Variants in ERBB4 observed in about 807,000 individuals in gnomAD.
ERBB4 encodes erb-b2 receptor tyrosine kinase 4.
ERBB4 carries 42 observed loss-of-function variants against 158.0 expected under a neutral mutation model. The ratio of observed to expected loss-of-function variants is 0.27; its 90% CI spans 0.21 to 0.34. The LOEUF is 0.34. ERBB4 is among the 10% of genes least tolerant of loss of function. The pLI is 1.00. For missense variants in ERBB4, 1,333 were observed against 1,624.1 expected (o/e 0.82, Z 3.08); for synonymous variants, 583 against 558.7 (o/e 1.04, Z -0.61).
Position 211,956,839 on chromosome 2 carries a change from ATTTG to A in ERBB4, c.235-9227_235-9224del, listed in dbSNP as rs1267068324. 1.1e-4 allele frequency among the ~76,000 whole-genome samples: 17 copies of A among 151,992 alleles called. No individual in the cohort carries two copies. In the South Asian group the frequency reaches 2.9e-3, roughly 26 times the overall value. ...CTAAAATAAATTTATTCATGTATAT[ATTTG>A]TTTGTTTATGAGACAGATTCTTGCT... On this transcript the variant is annotated intron_variant, in intron 2 of 27. Transcript: ENST00000342788.
chr2:211,438,981 T>C (rs1020784160), intron 20 of ERBB4, among the ~76,000 whole-genome samples: 1 of 127,230 alleles, frequency 7.9e-6, no homozygotes, highest in Non-Finnish European at 1.6e-5. Flanking sequence ...GTCCCAATAA[T>C]ATATTTGAGT....
Position 211,713,668 on chromosome 2 carries a change from A to T in ERBB4, c.884-20T>A. On this transcript the variant is annotated intron_variant, in intron 7 of 27. Coordinates refer to ENST00000342788, the MANE Select transcript of ERBB4 (RefSeq NM_005235.3). ...AGTTATCTGATTAAAAAAAAAAAAA[A>T]GGTAAAATAAGCATTAATGTTAACA... 8.2e-7 allele frequency: 1 copy of T among 1,218,684 alleles called. No individual in the cohort carries two copies. The highest frequency in any genetic ancestry group is 1.2e-6 in the Non-Finnish European group (1 of 830,880). 75.5% of individuals were successfully genotyped at this position (1,218,684 alleles called of 1,614,324 possible).
At chr2:212,535,313 G>C (rs902416453) in intron 1 of ERBB4, among the ~76,000 whole-genome samples, 1 of 152,120 alleles carries the variant, frequency 6.6e-6, no homozygotes, top group Admixed American at 6.5e-5. Flanking sequence ...GTAAACACTT[G>C]TAAGAAAGAG....
In ERBB4 at chr2:211,593,738, C is replaced by G. The variant is rs770251066; in HGVS notation, c.2301+25439G>C. Reference sequence around the variant, plus strand: ...GGTTTATTTATTGATACACTATGTGCAAAACAACCACCACCCTGATACCCT... The same window carrying G: ...GGTTTATTTATTGATACACTATGTGGAAAACAACCACCACCCTGATACCCT... On this transcript the variant is annotated intron_variant, in intron 19 of 27. Transcript: ENST00000342788. 3.5e-4 allele frequency among the ~76,000 whole-genome samples: 54 copies of G among 152,256 alleles called. 1 individual carries two copies. The highest frequency in any genetic ancestry group is 4.6e-4 in the Non-Finnish European group (31 of 68,016).
intron 2 of ERBB4, among the ~76,000 whole-genome samples, chr2:212,075,163 C>G (rs1275362996): frequency 6.6e-6 from 1 of 151,778 alleles, no homozygotes; most frequent in Middle Eastern, 3.2e-3. Flanking sequence ...AAGTGTTATA[C>G]TCTAGAAAAT....
chr2:211,571,183 C>T (rs1039658577), intron 19 of ERBB4, among the ~76,000 whole-genome samples: 2 of 151,882 alleles, frequency 1.3e-5, no homozygotes, highest in East Asian at 2.0e-4. Context: ...GCTGGGACTA[C>T]ACCTCTTGTC....
At chr2:211,883,965 A>C (rs2078729975) in intron 3 of ERBB4, among the ~76,000 whole-genome samples, 1 of 152,162 alleles carries the variant, frequency 6.6e-6, no homozygotes, top group Non-Finnish European at 1.5e-5. Flanking sequence ...CCACTAATTC[A>C]AATTTTATAT....
intron 2 of ERBB4, among the ~76,000 whole-genome samples, chr2:212,088,931 A>T (rs1268069417): frequency 6.6e-6 from 1 of 152,140 alleles, no homozygotes; most frequent in East Asian, 1.9e-4. Context: ...CTGCTCAGAG[A>T]AAGCTCAAAT....
chr2:211,394,717 T>A (rs1225914055), intron 25 of ERBB4, among the ~76,000 whole-genome samples: 1 of 152,074 alleles, frequency 6.6e-6, no homozygotes, highest in African/African-American at 2.4e-5. Flanking sequence ...CGTGAAGTTG[T>A]CTCTGCTTGT....
At chr2:212,455,275 G>C (rs980472717) in intron 1 of ERBB4, among the ~76,000 whole-genome samples, 3 of 152,074 alleles carry the variant, frequency 2.0e-5, no homozygotes, top group African/African-American at 4.8e-5. Context: ...AGGATGTAAG[G>C]CTTCAATCAT....
chr2:211,906,725 C>A (rs2079403024), intron 3 of ERBB4, among the ~76,000 whole-genome samples: 3 of 151,474 alleles, frequency 2.0e-5, no homozygotes, highest in Non-Finnish European at 2.9e-5. Context: ...CTCAAGTAGG[C>A]CACAGTGTCT....
At chr2:212,170,617 G>A (rs2081486084) in intron 1 of ERBB4, among the ~76,000 whole-genome samples, 1 of 152,186 alleles carries the variant, frequency 6.6e-6, no homozygotes, top group Non-Finnish European at 1.5e-5. Context: ...AGGCCTTGCA[G>A]TTTTGGGACT....
chr2:211,576,642 G>T (rs966929405), intron 19 of ERBB4, among the ~76,000 whole-genome samples: 2 of 151,818 alleles, frequency 1.3e-5, no homozygotes, highest in African/African-American at 4.8e-5. Flanking sequence ...ATTCACAAGG[G>T]TACAATTATT....
At chr2:211,411,689 C>T (rs1295678083) in intron 25 of ERBB4, among the ~76,000 whole-genome samples, 1 of 152,086 alleles carries the variant, frequency 6.6e-6, no homozygotes, top group African/African-American at 2.4e-5. Flanking sequence ...CTGGAATGAC[C>T]AAGGCATTTC....
chr2:211,755,938 T>A (rs890411372), intron 4 of ERBB4, among the ~76,000 whole-genome samples: 3 of 152,230 alleles, frequency 2.0e-5, no homozygotes, highest in African/African-American at 4.8e-5. Flanking sequence ...ATCCCTGGAT[T>A]TTTCTTTTAC....
rs199536102 is a variant in ERBB4, at chr2:211,997,135, A to AC, written c.235-49520dup. Among the ~76,000 whole-genome samples, 7 of 127,612 alleles carry AC rather than the reference A, an allele frequency of 5.5e-5. No individual in the cohort carries two copies. The South Asian group carries it at 1.6e-3, about 30-fold the overall frequency. 83.7% of individuals were successfully genotyped at this position (127,612 alleles called of 152,430 possible). ...AATGTATCTAGTGTCTTGCATTTAA[A>AC]CCCCGTTTGCCGGATTAACTGCAAA... On this transcript the variant is annotated intron_variant, in intron 2 of 27. Transcript: ENST00000342788.
chr2:211,976,021 C>G (rs1452985549), intron 2 of ERBB4, among the ~76,000 whole-genome samples: 2 of 151,940 alleles, frequency 1.3e-5, no homozygotes, highest in African/African-American at 4.8e-5. Flanking sequence ...TAATGCAAAC[C>G]ATTATAGTTC....
At chr2:211,385,867 G>A (rs1029092469) in intron 27 of ERBB4, among the ~76,000 whole-genome samples, 1 of 152,072 alleles carries the variant, frequency 6.6e-6, no homozygotes, top group African/African-American at 2.4e-5. Context: ...TCTTCACAAC[G>A]TCTACATTTG....
intron 3 of ERBB4, among the ~76,000 whole-genome samples, chr2:211,895,837 A>ATGATAT (rs139403335): frequency 0.013 from 1,990 of 152,250 alleles, 33 homozygotes; most frequent in African/African-American, 0.044. Context: ...AGGGTCACAA[A>ATGATAT]TGACATTGAC....
Sources: gnomAD v4.1 joint callset for allele counts (sites outside exome capture counted in the v4.1 genomes callset) on GRCh38, gnomAD v4.1.1 for gene constraint, MANE v1.5 for transcripts, NCBI Gene and HGNC (gene_info 2026-07-23, HGNC 2026-07-21) for gene names.